The following CADPS2 variants were observed in gnomAD, a reference collection of about 807,000 sequenced individuals.
CADPS2 encodes calcium dependent secretion activator 2.
In CADPS2, 93 loss-of-function variants were observed where a neutral mutation model predicts 172.5. That is an observed-to-expected ratio of 0.54 (90% CI 0.46 to 0.64). The LOEUF (loss-of-function observed/expected upper bound fraction) is 0.64. Ranked by LOEUF, CADPS2 falls within the 30% of genes least tolerant of loss-of-function variation. The probability of loss-of-function intolerance (pLI) is 0.00; values close to 1 mark genes in which losing one functional copy is unlikely to be tolerated. For missense variants in CADPS2, 1,420 were observed against 1,565.9 expected, an observed-to-expected ratio of 0.91 and a Z score of 1.57; for synonymous variants, 546 against 555.2, an observed-to-expected ratio of 0.98 and a Z score of 0.23.
At chr7:122,772,161 G>A (rs1005905761) in intron 1 of CADPS2, among the ~76,000 whole-genome samples, 1 of 152,216 alleles carries the variant, frequency 6.6e-6, no homozygotes, top group Non-Finnish European at 1.5e-5. Flanking sequence ...CTGAAGAACA[G>A]AGGTAGGGTT....
chr7:122,376,498 C>A (rs1175621844), intron 25 of CADPS2, among the ~76,000 whole-genome samples: 1 of 152,022 alleles, frequency 6.6e-6, no homozygotes. Context: ...TACATAGTAC[C>A]AATTATATGA....
intron 18 of CADPS2, 50 bp downstream of exon 18, chr7:122,416,011 T>C (rs927542174): frequency 5.1e-6 from 6 of 1,176,742 alleles, no homozygotes; most frequent in Non-Finnish European, 7.1e-6. Flanking sequence ...GCCACAACCA[T>C]GGTGAAGCCT....
chr7:122,776,725 T>C (rs770424195), intron 1 of CADPS2, among the ~76,000 whole-genome samples: 92 of 152,092 alleles, frequency 6.0e-4, no homozygotes, highest in Non-Finnish European at 1.1e-3. Flanking sequence ...AAAATGCTGA[T>C]AGTAATATGG....
chr7:122,644,876 C>A (rs1056789455), intron 3 of CADPS2, among the ~76,000 whole-genome samples: 1 of 152,082 alleles, frequency 6.6e-6, no homozygotes, highest in Admixed American at 6.5e-5. Context: ...TTAAAGAACT[C>A]TCTTATAGCT....
chr7:122,374,432 T>TA (rs2042111103), intron 25 of CADPS2, among the ~76,000 whole-genome samples: 2 of 150,516 alleles, frequency 1.3e-5, no homozygotes, highest in Admixed American at 6.6e-5. Flanking sequence ...TAAAATAAAA[T>TA]AAATAAGTAA....
chr7:122,341,849 A>C (rs1210136014), intron 28 of CADPS2, among the ~76,000 whole-genome samples: 2 of 152,184 alleles, frequency 1.3e-5, no homozygotes, highest in Non-Finnish European at 2.9e-5. Context: ...TGAAAACTAC[A>C]GCTATTATTT....
intron 9 of CADPS2, 134 bp from the exon 10 acceptor site, chr7:122,491,554 AT>A: frequency 1.8e-6 from 1 of 552,034 alleles, no homozygotes; most frequent in Non-Finnish European, 3.1e-6. Flanking sequence ...AAATTTTAGC[AT>A]TTTTCAAAAC....
intron 8 of CADPS2, among the ~76,000 whole-genome samples, chr7:122,544,927 G>A (rs1327033860): frequency 6.6e-6 from 1 of 152,044 alleles, no homozygotes; most frequent in Non-Finnish European, 1.5e-5. Flanking sequence ...GGCAAGTCTG[G>A]CTGACTTAAT....
chr7:122,645,542 T>TTATATATATATAAGTA (rs1177936721), intron 3 of CADPS2, among the ~76,000 whole-genome samples: 1 of 122,074 alleles, frequency 8.2e-6, no homozygotes, highest in East Asian at 2.5e-4. Context: ...ATATATATAC[T>TTATATATATATAAGTA]TATATATATA....
intron 7 of CADPS2, among the ~76,000 whole-genome samples, chr7:122,563,952 C>G (rs940713843): frequency 6.6e-6 from 1 of 151,992 alleles, no homozygotes. Flanking sequence ...ACTCAAAGGT[C>G]GTGCCTAAAG....
At chr7:122,653,575 C>G (rs2079412308) in intron 3 of CADPS2, among the ~76,000 whole-genome samples, 1 of 152,140 alleles carries the variant, frequency 6.6e-6, no homozygotes, top group Non-Finnish European at 1.5e-5. Context: ...TATTGAGTTT[C>G]TCTTTATTGC....
intron 29 of CADPS2, among the ~76,000 whole-genome samples, chr7:122,321,114 TTAAAA>T (rs1177965857): frequency 6.6e-6 from 1 of 152,270 alleles, no homozygotes; most frequent in African/African-American, 2.4e-5. Flanking sequence ...TCTGTGGCAC[TTAAAA>T]TATTAATCTA....
At chr7:122,813,406 C>T (rs1007800719) in intron 1 of CADPS2, among the ~76,000 whole-genome samples, 59 of 152,192 alleles carry the variant, frequency 3.9e-4, no homozygotes, top group African/African-American at 1.3e-3. Context: ...GTAATAATTA[C>T]ATTTAAGTCT....
intron 1 of CADPS2, among the ~76,000 whole-genome samples, chr7:122,836,244 C>T (rs1808368063): frequency 6.6e-6 from 1 of 152,156 alleles, no homozygotes; most frequent in Non-Finnish European, 1.5e-5. Flanking sequence ...GATTTTGTCA[C>T]CACCAGGCCT....
intron 17 of CADPS2, among the ~76,000 whole-genome samples, chr7:122,423,620 C>A (rs1446455043): frequency 6.6e-6 from 1 of 152,326 alleles, no homozygotes; most frequent in East Asian, 1.9e-4. Flanking sequence ...CTGACTGAAA[C>A]CCAAATGATA....
intron 12 of CADPS2, among the ~76,000 whole-genome samples, chr7:122,479,049 G>A (rs2057009236): frequency 6.6e-6 from 1 of 151,966 alleles, no homozygotes; most frequent in South Asian, 2.1e-4. Flanking sequence ...AAGGAAAAGG[G>A]AAAGAAAAAG....
intron 1 of CADPS2, among the ~76,000 whole-genome samples, chr7:122,865,008 G>A (rs1482031469): frequency 6.6e-6 from 1 of 152,154 alleles, no homozygotes; most frequent in African/African-American, 2.4e-5. Context: ...AATGTTGGAA[G>A]TAGGGGCCTA....
At chr7:122,733,523 AAG>A (rs1163411727) in intron 2 of CADPS2, among the ~76,000 whole-genome samples, 1 of 131,962 alleles carries the variant, frequency 7.6e-6, no homozygotes, top group Non-Finnish European at 1.8e-5. Flanking sequence ...GTGATCCCAA[AAG>A]AGCCAATCCT....
intron 2 of CADPS2, among the ~76,000 whole-genome samples, chr7:122,696,798 A>G (rs2085178034): frequency 6.6e-6 from 1 of 152,210 alleles, no homozygotes; most frequent in African/African-American, 2.4e-5. Flanking sequence ...TGGGAAAAAC[A>G]GTCAAGTTTT....
Sources: gnomAD v4.1 joint callset for allele counts (sites outside exome capture counted in the v4.1 genomes callset) on GRCh38, gnomAD v4.1.1 for gene constraint, MANE v1.5 for transcripts, NCBI Gene and HGNC (gene_info 2026-07-23, HGNC 2026-07-21) for gene names.